The following HPSE2 variants were observed in gnomAD, a reference collection of about 807,000 sequenced individuals.
HPSE2 encodes the protein heparanase 2 (inactive).
Under a neutral mutation model 60.5 loss-of-function variants are expected in HPSE2, and 38 were observed. The ratio of observed to expected loss-of-function variants is 0.63; its 90% confidence interval spans 0.48 to 0.82. The LOEUF is 0.82. HPSE2 is among the 40% of genes least tolerant of loss of function. HPSE2 has a pLI of 0.00. For missense variants in HPSE2, 713 were observed against 740.4 expected, an observed-to-expected ratio of 0.96 and a Z score of 0.43; for synonymous variants, 295 against 293.2, an observed-to-expected ratio of 1.01 and a Z score of -0.06.
Position 98,664,450 on chromosome 10 carries a change from A to G in HPSE2, c.1005-22510T>C, listed in dbSNP as rs369587289. 5.3e-5 allele frequency among the ~76,000 whole-genome samples: 8 copies of G among 152,266 alleles called. No homozygotes were observed. The East Asian group carries it at 1.4e-3, about 26-fold the overall frequency. ...CAGGGAATCTGCTTGAGGCAGCGCC[A>G]TGGCTCAGAACACCTGGCAAAGGAA... On this transcript the variant is annotated intron_variant, in intron 6 of 11. Coordinates refer to ENST00000370552, the MANE Select transcript of HPSE2 (RefSeq NM_021828.5).
intron 9 of HPSE2, among the ~76,000 whole-genome samples, chr10:98,604,961 G>GGCCTTCCT (rs1313963560): frequency 6.6e-6 from 1 of 152,156 alleles, no homozygotes; most frequent in African/African-American, 2.4e-5. Context: ...TCTATCCCAA[G>GGCCTTCCT]GCCTTCCTGC....
chr10:98,937,304 C>T (rs1432052565), intron 3 of HPSE2, among the ~76,000 whole-genome samples: 5 of 144,608 alleles, frequency 3.5e-5, no homozygotes, highest in South Asian at 2.1e-4. Flanking sequence ...TCAGGAAGTG[C>T]AAGGAGTCGG....
At chr10:98,477,420 C>G (rs1037454390) in intron 11 of HPSE2, among the ~76,000 whole-genome samples, 1 of 152,160 alleles carries the variant, frequency 6.6e-6, no homozygotes, top group Non-Finnish European at 1.5e-5. Context: ...AGAGCCAGAT[C>G]ACCTCCCAGT....
In HPSE2 at chr10:98,459,657, C is replaced by T. The variant is rs577966759; in HGVS notation, c.1696G>A (p.Gly566Ser). Residue 566 changes from glycine to serine, a missense_variant, in exon 12 of 12, where the codon GGC (glycine) becomes AGC (serine). Gly to Ser is a moderately conservative substitution (Grantham distance 56, BLOSUM62 0). Coordinates refer to ENST00000370552, the MANE Select transcript of HPSE2 (RefSeq NM_021828.5). ...ACTGGAGGGATGACCAATGTCCGGC[C>T]GGCCCGAAGGGGGCGGGGCTTCAAT... ...PELKPRPLRA[G>S]RTLVIPPVTM... The T allele has an allele frequency of 2.4e-5, 38 of 1,614,022 alleles. No individual in the cohort carries two copies. The Middle Eastern group carries it at 4.9e-4, about 21-fold the overall frequency.
At chr10:98,885,970 T>C (rs1163769539) in intron 3 of HPSE2, among the ~76,000 whole-genome samples, 1 of 152,072 alleles carries the variant, frequency 6.6e-6, no homozygotes, top group Non-Finnish European at 1.5e-5. Context: ...GGGCCAGCTA[T>C]TGAAAAACAA....
Position 99,154,878 on chromosome 10 carries a change from C to A in HPSE2, c.449-10479G>T, listed in dbSNP as rs950172412. On this transcript the variant is annotated intron_variant, in intron 2 of 11. Coordinates refer to ENST00000370552, the MANE Select transcript of HPSE2 (RefSeq NM_021828.5). ...AACCCAACTCACGTGCAGAGACACA[C>A]ATAGGCTCAAAATAAAGGGATGGAG... Among the ~76,000 whole-genome samples, 130 of 152,152 alleles carry A rather than the reference C, an allele frequency of 8.5e-4. 1 individual carries two copies. Among genetic ancestry groups the A allele is most frequent in the Non-Finnish European group, 5.4e-4 (37 of 68,020 alleles).
intron 3 of HPSE2, among the ~76,000 whole-genome samples, chr10:98,748,474 T>TCC (rs1242640428): frequency 6.6e-6 from 1 of 152,158 alleles, no homozygotes; most frequent in South Asian, 2.1e-4. Context: ...TACTTTCTAC[T>TCC]CCCTCCACCA....
intron 3 of HPSE2, among the ~76,000 whole-genome samples, chr10:99,016,797 G>T (rs1339968007): frequency 6.6e-6 from 1 of 152,010 alleles, no homozygotes; most frequent in Non-Finnish European, 1.5e-5. Flanking sequence ...TGTGGCAATT[G>T]CGAATGTGAG....
chr10:99,181,245 A>G (rs1172280556), intron 2 of HPSE2, among the ~76,000 whole-genome samples: 1 of 149,974 alleles, frequency 6.7e-6, no homozygotes, highest in African/African-American at 2.5e-5. Context: ...AAAAATACAA[A>G]AAATTAGCCG....
At chr10:99,023,937 A>G (rs1022412345) in intron 3 of HPSE2, among the ~76,000 whole-genome samples, 5 of 152,238 alleles carry the variant, frequency 3.3e-5, no homozygotes, top group African/African-American at 1.2e-4. Flanking sequence ...GCACACACCA[A>G]AGAACATCTA....
intron 5 of HPSE2, among the ~76,000 whole-genome samples, chr10:98,709,559 T>G (rs1050004427): frequency 3.3e-5 from 5 of 152,210 alleles, no homozygotes; most frequent in African/African-American, 1.2e-4. Context: ...ACAGGGCCTG[T>G]ATCTAATGAA....
chr10:98,903,300 T>A (rs1953717642), intron 3 of HPSE2, among the ~76,000 whole-genome samples: 1 of 151,982 alleles, frequency 6.6e-6, no homozygotes, highest in East Asian at 1.9e-4. Context: ...GGCTAGTGAG[T>A]ACAGGTTTCA....
At chr10:98,755,978 G>C (rs1949870114) in intron 3 of HPSE2, among the ~76,000 whole-genome samples, 1 of 152,198 alleles carries the variant, frequency 6.6e-6, no homozygotes, top group Middle Eastern at 3.4e-3. Context: ...CCTGGCAACA[G>C]AGAGAGATTC....
chr10:99,104,111 A>C (rs1489309971), intron 3 of HPSE2, among the ~76,000 whole-genome samples: 2 of 152,240 alleles, frequency 1.3e-5, no homozygotes, highest in Admixed American at 1.3e-4. Context: ...AAGCAATGGT[A>C]ACAAAAGCCA....
At chr10:99,044,027 A>G (rs1957800931) in intron 3 of HPSE2, among the ~76,000 whole-genome samples, 1 of 152,168 alleles carries the variant, frequency 6.6e-6, no homozygotes, top group South Asian at 2.1e-4. Flanking sequence ...CTGGCTAGAT[A>G]CTATACAATA....
intron 3 of HPSE2, among the ~76,000 whole-genome samples, chr10:99,005,546 G>C (rs1161063662): frequency 1.3e-5 from 2 of 151,968 alleles, no homozygotes; most frequent in Admixed American, 1.3e-4. Context: ...CACTTTGGTA[G>C]TTTACTATTT....
At chr10:98,909,635 TAAAAA>T (rs770316849) in intron 3 of HPSE2, among the ~76,000 whole-genome samples, 1 of 134,814 alleles carries the variant, frequency 7.4e-6, no homozygotes, top group Non-Finnish European at 1.6e-5. Flanking sequence ...TCTCAAAATT[TAAAAA>T]AAAAAAAAAT....
In HPSE2 at chr10:99,053,892, T is replaced by C. The variant is rs371545145; in HGVS notation, c.610+90346A>G. On this transcript the variant is annotated intron_variant, in intron 3 of 11. Transcript: ENST00000370552. ...ACAGGTGCACGCTGCCACGCCCAGATAATTTTTTTTTTTTTTGTATTTTAG... is the reference window on the plus strand; with the variant it reads ...ACAGGTGCACGCTGCCACGCCCAGACAATTTTTTTTTTTTTTGTATTTTAG... 7.3e-5 allele frequency among the ~76,000 whole-genome samples: 11 copies of C among 150,806 alleles called. No homozygotes were observed. The East Asian group carries it at 1.4e-3, about 19-fold the overall frequency.
At chr10:98,770,242 AG>A (rs1452003990) in intron 3 of HPSE2, among the ~76,000 whole-genome samples, 1 of 152,220 alleles carries the variant, frequency 6.6e-6, no homozygotes, top group Non-Finnish European at 1.5e-5. Context: ...GGCCAAAAAA[AG>A]GTTGTACAAA....
Sources: gnomAD v4.1 joint callset for allele counts (sites outside exome capture counted in the v4.1 genomes callset) on GRCh38, gnomAD v4.1.1 for gene constraint, MANE v1.5 for transcripts, NCBI Gene and HGNC (gene_info 2026-07-23, HGNC 2026-07-21) for gene names.